TTK: variants seen among roughly 807,000 people sequenced by gnomAD.
TTK encodes TTK protein kinase.
A neutral mutation model predicts 117.3 loss-of-function variants in TTK; 59 were observed. The ratio of observed to expected loss-of-function variants is 0.50; its 90% CI spans 0.41 to 0.62. TTK has a LOEUF of 0.62. Ranked by LOEUF, TTK falls within the 20% of genes least tolerant of loss-of-function variation. TTK has a pLI of 0.00. For missense variants in TTK, 921 were observed against 989.4 expected (o/e 0.93, Z 0.93); for synonymous variants, 302 against 325.0 (o/e 0.93, Z 0.76).
At chr6:80,024,775 A>G (rs1767562151) in intron 11 of TTK, among the ~76,000 whole-genome samples, 1 of 152,208 alleles carries the variant, frequency 6.6e-6, no homozygotes, top group African/African-American at 2.4e-5. Context: ...TCTTGTGGAT[A>G]CTGCTTGTCC....
intron 21 of TTK, 51 bp from the exon 22 acceptor site, chr6:80,042,068 A>G (rs1300170469): frequency 1.8e-6 from 2 of 1,120,822 alleles, no homozygotes; most frequent in Non-Finnish European, 1.3e-6. Context: ...CTGATGTGAC[A>G]GTACATTTAA....
At position 80,042,235 on chromosome 6, in the gene TTK, A is replaced by G. The variant is rs774187385; in HGVS notation, c.*33A>G. On this transcript the variant is annotated 3_prime_UTR_variant, in exon 22 of 22. Coordinates refer to ENST00000369798, the MANE Select transcript of TTK (RefSeq NM_003318.5). Reference sequence around the variant, plus strand: ...TTATTCGTAATGTCAGATACCACCTATAAAATATATTGGACTGTTATACTC... The same window carrying G: ...TTATTCGTAATGTCAGATACCACCTGTAAAATATATTGGACTGTTATACTC... 4.7e-6 allele frequency: 7 copies of G among 1,492,096 alleles called. No individual in the cohort carries two copies. The highest frequency in any genetic ancestry group is 6.5e-6 in the Non-Finnish European group (7 of 1,080,682). The allele number at this position is 1,492,096 out of a possible 1,614,324, so 92.4% of individuals were successfully genotyped here. A position where few individuals can be genotyped will look rare whatever the true frequency, so the allele number is the denominator to read the frequency against.
intron 11 of TTK, among the ~76,000 whole-genome samples, chr6:80,023,688 A>G (rs915545211): frequency 1.1e-4 from 17 of 152,276 alleles, no homozygotes; most frequent in African/African-American, 4.1e-4. Flanking sequence ...AAATAACTAC[A>G]GTGGGAAGAG....
chr6:80,026,890 A>G (rs1275831089), intron 12 of TTK, among the ~76,000 whole-genome samples: 16 of 152,168 alleles, frequency 1.1e-4, no homozygotes, highest in African/African-American at 3.6e-4. Context: ...ATTTTTTCAC[A>G]TAAGTGGTGT....
chr6:80,021,306 T>C (rs1490213149), intron 10 of TTK, among the ~76,000 whole-genome samples: 1 of 152,222 alleles, frequency 6.6e-6, no homozygotes, highest in African/African-American at 2.4e-5. Flanking sequence ...CATTTGCAAG[T>C]GGCTCCTGCG....
chr6:80,038,971 C>T (rs959960767), intron 18 of TTK, among the ~76,000 whole-genome samples: 1 of 152,002 alleles, frequency 6.6e-6, no homozygotes, highest in Non-Finnish European at 1.5e-5. Flanking sequence ...TGACAATGTA[C>T]TTTTATAATT....
intron 14 of TTK, 58 bp from the exon 15 acceptor site, chr6:80,034,927 C>A (rs1767854025): frequency 3.2e-6 from 4 of 1,267,458 alleles, no homozygotes; most frequent in Non-Finnish European, 4.1e-6. Flanking sequence ...AATTTAGAAT[C>A]ATTGTGTGAT....
chr6:80,007,635 G>A (rs933002693), intron 2 of TTK, among the ~76,000 whole-genome samples, 174 bp from the exon 3 acceptor site: 22 of 151,920 alleles, frequency 1.4e-4, no homozygotes, highest in African/African-American at 5.1e-4. Flanking sequence ...ATAAATACAC[G>A]ATAAATAAGT....
intron 13 of TTK, among the ~76,000 whole-genome samples, chr6:80,029,214 A>G (rs1767691244): frequency 6.6e-6 from 1 of 152,182 alleles, no homozygotes; most frequent in African/African-American, 2.4e-5. Context: ...ATAGAGTTTC[A>G]GTGGTATTTG....
chr6:80,039,744 A>G lies in TTK; in HGVS notation c.2179A>G (p.Met727Val), dbSNP rs1767997200. 2.5e-6 allele frequency: 4 copies of G among 1,590,096 alleles called. No homozygotes were observed. Among genetic ancestry groups the G allele is most frequent in the South Asian group, 1.2e-5 (1 of 85,834 alleles). ...VWSLGCILYY[M>V]TYGKTPFQQI... is the part of the protein sequence containing the mutation. ...GTCCTTAGGATGTATTTTGTACTAT[A>G]TGACTTACGGGAAAACACCATTTCA... The change falls in exon 19 of 22, where the codon ATG (methionine) becomes GTG (valine). Residue 727 changes from methionine to valine, a missense_variant. Met to Val is a conservative substitution (Grantham distance 21). Transcript: ENST00000369798.
chr6:80,008,016 T>A lies in TTK; in HGVS notation c.347T>A (p.Phe116Tyr). ...AGTTTTGCTAGAATTCAAGTGAGAT[T>A]TGCTGAATTAAAAGCGTAAGTATTA... ...NESFARIQVR[F>Y]AELKAIQEPD... Residue 116 changes from phenylalanine to tyrosine, a missense_variant, in exon 3 of 22, where the codon TTT becomes TAT. By Grantham distance (22) the Phe-to-Tyr change is conservative (BLOSUM62 3). Coordinates refer to ENST00000369798, the MANE Select transcript of TTK (RefSeq NM_003318.5). 6.2e-7 allele frequency: 1 copy of A among 1,613,308 alleles called. No individual in the cohort carries two copies. The highest frequency in any genetic ancestry group is 8.5e-7 in the Non-Finnish European group (1 of 1,179,468).
intron 17 of TTK, among the ~76,000 whole-genome samples, chr6:80,036,992 G>T (rs933401943): frequency 1.3e-5 from 2 of 151,980 alleles, no homozygotes; most frequent in Admixed American, 1.3e-4. Context: ...TAGAGAAGCC[G>T]ACCTTTTCCT....
chr6:80,036,406 G>A, intron 16 of TTK, 69 bp from the exon 17 acceptor site: 6 of 1,524,298 alleles, frequency 3.9e-6, no homozygotes, highest in African/African-American at 1.4e-5. Flanking sequence ...TTGACCTGTA[G>A]ACTGTGAATT....
chr6:80,016,732 G>C (rs1308556871), intron 10 of TTK, among the ~76,000 whole-genome samples: 4 of 152,088 alleles, frequency 2.6e-5, no homozygotes, highest in African/African-American at 9.7e-5. Flanking sequence ...ATTAACAATA[G>C]AAAAACAAGC....
In TTK at chr6:80,040,214, C is replaced by T. The variant is rs1191023541; in HGVS notation, c.2326C>T (p.Pro776Ser). ...TTAATAGTGTTGTTTAAAAAGGGAC[C>T]CAAAACAGAGGATATCCATTCCTGA... ...DVLKCCLKRDPKQRISIPELL... is the reference protein window; with the variant it reads ...DVLKCCLKRDSKQRISIPELL... The change falls in exon 20 of 22, where the codon CCA (proline) becomes TCA (serine). Residue 776 changes from proline to serine, a missense_variant. Coordinates refer to ENST00000369798, the MANE Select transcript of TTK (RefSeq NM_003318.5). 1.9e-6 allele frequency: 3 copies of T among 1,586,920 alleles called. No individual in the cohort carries two copies. Among genetic ancestry groups the T allele is most frequent in the Non-Finnish European group, 2.6e-6 (3 of 1,168,006 alleles).
At chr6:80,013,194 A>C in intron 8 of TTK, 85 bp from the exon 9 acceptor site, 1 of 1,131,292 alleles carries the variant, frequency 8.8e-7, no homozygotes, top group Non-Finnish European at 1.3e-6. Flanking sequence ...TATATTATTA[A>C]AAATCCAACT....
Position 80,040,178 on chromosome 6 carries a change from A to G in TTK, c.2308-18A>G. The G allele has an allele frequency of 6.5e-7, 1 of 1,527,910 alleles. No homozygotes were observed. The highest frequency in any genetic ancestry group is 1.4e-5 in the South Asian group (1 of 73,796). The allele number at this position is 1,527,910 out of a possible 1,614,324, so 94.6% of individuals were successfully genotyped here. A position where few individuals can be genotyped will look rare whatever the true frequency, so the allele number is the denominator to read the frequency against. On this transcript the variant is annotated intron_variant, in intron 19 of 21. Coordinates refer to ENST00000369798, the MANE Select transcript of TTK (RefSeq NM_003318.5). Reference sequence around the variant, plus strand: ...AAACCTGCTTTGTTTTTCTTTTAAAATATCTTTGTTTTAATAGTGTTGTTT... The same window carrying G: ...AAACCTGCTTTGTTTTTCTTTTAAAGTATCTTTGTTTTAATAGTGTTGTTT...
intron 4 of TTK, 140 bp downstream of exon 4, chr6:80,008,632 A>G: frequency 3.2e-6 from 2 of 621,556 alleles, no homozygotes; most frequent in South Asian, 2.5e-5. Flanking sequence ...ATGGGGAGAA[A>G]ATGCCACCTA....
At chr6:80,006,865 G>A (rs903540969) in intron 2 of TTK, among the ~76,000 whole-genome samples, 1 of 152,062 alleles carries the variant, frequency 6.6e-6, no homozygotes, top group African/African-American at 2.4e-5. Flanking sequence ...CTATATTTTA[G>A]TAGAAAGTAG....
Sources: gnomAD v4.1 joint callset for allele counts (sites outside exome capture counted in the v4.1 genomes callset) on GRCh38, gnomAD v4.1.1 for gene constraint, MANE v1.5 for transcripts, NCBI Gene and HGNC (gene_info 2026-07-23, HGNC 2026-07-21) for gene names.